The following TLL2 variants were observed in gnomAD, a reference collection of about 807,000 sequenced individuals.
The protein encoded by TLL2 is tolloid-like protein 2.
Under a neutral mutation model 123.0 loss-of-function variants are expected in TLL2, and 106 were observed. That is an observed-to-expected ratio of 0.86 (90% CI 0.74 to 1.01). TLL2 has a LOEUF of 1.01. Among genes scored for constraint, TLL2 ranks in the 50% least tolerant of loss-of-function variants. The probability of loss-of-function intolerance (pLI) is 0.00; values close to 1 mark genes in which losing one functional copy is unlikely to be tolerated. For missense variants in TLL2, 1,332 were observed against 1,336.7 expected (o/e 1.00, Z 0.06); for synonymous variants, 494 against 516.8 (o/e 0.96, Z 0.60).
chr10:96,497,790 T>C (rs915649179), intron 1 of TLL2, among the ~76,000 whole-genome samples: 1 of 152,220 alleles, frequency 6.6e-6, no homozygotes, highest in African/African-American at 2.4e-5. Context: ...AAATTTTGTT[T>C]CCTGCTGGGA....
chr10:96,498,970 G>A (rs925183878), intron 1 of TLL2, among the ~76,000 whole-genome samples: 3 of 152,202 alleles, frequency 2.0e-5, no homozygotes, highest in Non-Finnish European at 4.4e-5. Context: ...GCCAATGTCT[G>A]AGATACCAAT....
At chr10:96,507,416 A>C (rs1447445490) in intron 1 of TLL2, among the ~76,000 whole-genome samples, 1 of 152,056 alleles carries the variant, frequency 6.6e-6, no homozygotes, top group Non-Finnish European at 1.5e-5. Flanking sequence ...GTTTAACCAC[A>C]ATGATCAGGT....
At chr10:96,372,548 TAA>T (rs1167764816) in intron 19 of TLL2, among the ~76,000 whole-genome samples, 3 of 152,228 alleles carry the variant, frequency 2.0e-5, no homozygotes, top group South Asian at 2.1e-4. Context: ...GTAGATAATA[TAA>T]GTTATAAGCA....
rs745414954 is a variant in TLL2, at chr10:96,513,512, G to A, written c.174C>T (p.Ala58=). The A allele has an allele frequency of 2.5e-6, 4 of 1,612,296 alleles. No homozygotes were observed. In the Admixed American group the frequency reaches 6.7e-5, roughly 27 times the overall value. The change falls in exon 1 of 21, where the codon GCC becomes GCT. Residue 58 remains alanine, a splice_region_variant and synonymous_variant. Transcript: ENST00000357947. The part of the protein sequence containing the change: ...QLEHYHDPCK[A]AVFWGDIALD... ...GACTTCCCCAGCGGCGGCACCTACC[G>A]GCTTTGCAAGGGTCGTGGTAATGCT...
intron 1 of TLL2, among the ~76,000 whole-genome samples, chr10:96,486,205 T>C (rs1416582958): frequency 6.6e-6 from 1 of 152,238 alleles, no homozygotes; most frequent in Non-Finnish European, 1.5e-5. Flanking sequence ...GGATTGACTA[T>C]ACGTGGAATA....
intron 5 of TLL2, 66 bp from the exon 6 acceptor site, chr10:96,422,793 C>G: frequency 6.3e-7 from 1 of 1,576,528 alleles, no homozygotes; most frequent in Non-Finnish European, 8.7e-7. Context: ...GGCAAGTCCC[C>G]CCTCCCACTC....
intron 15 of TLL2, 108 bp downstream of exon 15, chr10:96,385,947 G>A: frequency 8.1e-7 from 1 of 1,227,920 alleles, no homozygotes; most frequent in Non-Finnish European, 1.1e-6. Context: ...ACTGTCCAAA[G>A]CTTCAGTCAA....
chr10:96,399,697 G>A (rs1846375484), intron 10 of TLL2, among the ~76,000 whole-genome samples: 1 of 152,222 alleles, frequency 6.6e-6, no homozygotes, highest in Non-Finnish European at 1.5e-5. Flanking sequence ...TACCAATGAG[G>A]ACACGGAGCA....
At chr10:96,501,333 G>C (rs1435823053) in intron 1 of TLL2, among the ~76,000 whole-genome samples, 1 of 152,020 alleles carries the variant, frequency 6.6e-6, no homozygotes, top group Non-Finnish European at 1.5e-5. Flanking sequence ...CTCAGCTCCG[G>C]ACCCCTCCCA....
intron 1 of TLL2, among the ~76,000 whole-genome samples, chr10:96,513,109 C>CAGG (rs1425942005): frequency 6.6e-6 from 1 of 152,258 alleles, no homozygotes; most frequent in Admixed American, 6.5e-5. Flanking sequence ...AAATCGGAGC[C>CAGG]AGGAACTCCA....
In TLL2 at chr10:96,386,092, G is replaced by C; in HGVS notation, c.1976C>G (p.Ser659Cys). 6.2e-7 allele frequency: 1 copy of C among 1,608,466 alleles called. No individual in the cohort carries two copies. The highest frequency in any genetic ancestry group is 1.1e-5 in the South Asian group (1 of 90,038). ...CAGTTCAAACACTTCAAACTGAAGG[G>C]AGATCCGGTACTGAGCGGGGGCCAC... ...QVVAPAQYRI[S>C]LQFEVFELEG... The change falls in exon 15 of 21, where the codon TCC becomes TGC. Residue 659 changes from serine to cysteine, a missense_variant. By Grantham distance (112) the Ser-to-Cys change is moderately radical. Coordinates refer to ENST00000357947, the MANE Select transcript of TLL2 (RefSeq NM_012465.4).
chr10:96,382,849 AAGAT>A (rs1470540368), intron 16 of TLL2, among the ~76,000 whole-genome samples: 3 of 152,212 alleles, frequency 2.0e-5, no homozygotes, highest in African/African-American at 7.2e-5. Flanking sequence ...AAAATGGACT[AAGAT>A]AGAGGAATAA....
Position 96,370,121 on chromosome 10 carries a change from C to T in TLL2, c.2857G>A (p.Ala953Thr), listed in dbSNP as rs776857825. ...EADCGYDYME[A>T]YDGYDSSAPR... ...GCTGAGCTGTCGTAGCCGTCGTAGG[C>T]TTCCATGTAGTCGTAGCCGCAGTCG... is the stretch of plus-strand genomic sequence containing the variant. Residue 953 changes from alanine to threonine, a missense_variant, in exon 20 of 21, where the codon GCC becomes ACC. By Grantham distance (58) the Ala-to-Thr change is moderately conservative. Transcript: ENST00000357947. The T allele has an allele frequency of 1.2e-6, 2 of 1,613,660 alleles. No homozygotes were observed. The highest frequency in any genetic ancestry group is 4.5e-5 in the East Asian group (2 of 44,864).
chr10:96,438,465 A>T lies in TLL2; in HGVS notation c.365-5503T>A, dbSNP rs557451465. ...AGCCATTATAGAATTTTATATTTCC[A>T]ATATAGAAATGTGCTGGCCTTGTAT... is the stretch of plus-strand genomic sequence containing the variant. On this transcript the variant is annotated intron_variant, in intron 3 of 20. Coordinates refer to ENST00000357947, the MANE Select transcript of TLL2 (RefSeq NM_012465.4). Among the ~76,000 whole-genome samples the T allele has an allele frequency of 1.5e-4, 23 of 152,354 alleles. No individual in the cohort carries two copies. The South Asian group carries it at 4.4e-3, about 29-fold the overall frequency.
At chr10:96,425,820 T>C (rs1589419624) in intron 5 of TLL2, among the ~76,000 whole-genome samples, 4 of 152,068 alleles carry the variant, frequency 2.6e-5, no homozygotes, top group South Asian at 4.1e-4. Flanking sequence ...CCTGCCAATA[T>C]TCACAGTTTT....
chr10:96,420,545 C>A (rs1483194503), intron 7 of TLL2, among the ~76,000 whole-genome samples: 6 of 152,202 alleles, frequency 3.9e-5, no homozygotes, highest in Non-Finnish European at 8.8e-5. Flanking sequence ...TGATTTACAG[C>A]CCTCCCAGCC....
rs56711849 is a variant in TLL2 at position 96,381,850 on chromosome 10, C to CA, written c.2194+2736dup. On this transcript the variant is annotated intron_variant, in intron 16 of 20. Coordinates refer to ENST00000357947, the MANE Select transcript of TLL2 (RefSeq NM_012465.4). ...CATGACTTGCTCAGTGAGAGACTGC[C>CA]AAAAAAAAAATGCATGGAGATGGAA... Among the ~76,000 whole-genome samples, 1,015 of 145,394 alleles carry CA rather than the reference C, an allele frequency of 7.0e-3. 9 individuals are homozygous for CA. Among genetic ancestry groups the CA allele is most frequent in the African/African-American group, 0.023 (894 of 39,640 alleles).
chr10:96,471,242 C>G (rs758561629), intron 2 of TLL2, among the ~76,000 whole-genome samples: 23 of 152,120 alleles, frequency 1.5e-4, no homozygotes, highest in Admixed American at 2.6e-4. Flanking sequence ...TGACCTCAAG[C>G]AATCCACCTG....
Position 96,414,677 on chromosome 10 carries a change from C to T in TLL2, c.924-1361G>A, listed in dbSNP as rs182408957. Among the ~76,000 whole-genome samples, 370 of 152,260 alleles carry T rather than the reference C, an allele frequency of 2.4e-3. 1 individual carries two copies. In the Middle Eastern group the frequency reaches 0.027, roughly 11 times the overall value. On this transcript the variant is annotated intron_variant, in intron 7 of 20. Coordinates refer to ENST00000357947, the MANE Select transcript of TLL2 (RefSeq NM_012465.4). ...ATCCTCTGCTGAGCCCCAGATGCCTCGTAACACCTCCCCTGGGCTGTCCTA... is the reference window on the plus strand; with the variant it reads ...ATCCTCTGCTGAGCCCCAGATGCCTTGTAACACCTCCCCTGGGCTGTCCTA...
Sources: allele counts gnomAD v4.1 joint callset (sites outside exome capture counted in the v4.1 genomes callset), GRCh38; gene constraint gnomAD v4.1.1; transcripts MANE v1.5; gene names NCBI Gene and HGNC (gene_info 2026-07-23, HGNC 2026-07-21).